The following ANKHD1 variants were observed in gnomAD, a reference collection of about 807,000 sequenced individuals.
ANKHD1 encodes the protein ankyrin repeat and KH domain containing 1, also known as ankyrin repeat and KH domain-containing protein 1.
Under a neutral mutation model 230.5 loss-of-function variants are expected in ANKHD1, and 31 were observed. The observed-to-expected ratio is 0.13, with a 90% CI of 0.10 to 0.18. The LOEUF (loss-of-function observed/expected upper bound fraction) is 0.18. Among genes scored for constraint, ANKHD1 ranks in the 10% least tolerant of loss-of-function variants. The pLI is 1.00. For synonymous variants in ANKHD1, 1,074 were observed against 1,117.6 expected (o/e 0.96, Z 0.78); for missense variants, 2,256 against 3,071.3 (o/e 0.73, Z 6.27).
At chr5:140,519,247 A>G (rs1753199811) in intron 24 of ANKHD1, among the ~76,000 whole-genome samples, 1 of 152,176 alleles carries the variant, frequency 6.6e-6, no homozygotes, top group African/African-American at 2.4e-5. Context: ...CTTCAAGGAG[A>G]ACTACAAACC....
Position 140,445,896 on chromosome 5 carries a change from T to C in ANKHD1, c.1068T>C (p.Val356=). The change falls in exon 6 of 34, where the codon GTT becomes GTC. Residue 356 remains valine (V), a synonymous_variant. Coordinates refer to ENST00000360839, the MANE Select transcript of ANKHD1 (RefSeq NM_017747.3). ...ASAGHVEVAR[V]LLDHGAGINT... is the part of the protein sequence containing the mutation. ...CAGGTCATGTGGAAGTTGCAAGAGTTCTTTTAGATCATGGTGCAGGCATCA... is the reference window on the plus strand; with the variant it reads ...CAGGTCATGTGGAAGTTGCAAGAGTCCTTTTAGATCATGGTGCAGGCATCA... 3 of 1,613,672 alleles carry C rather than the reference T, an allele frequency of 1.9e-6. No homozygotes were observed. Among genetic ancestry groups the C allele is most frequent in the Non-Finnish European group, 2.5e-6 (3 of 1,179,688 alleles).
chr5:140,488,020 A>G (rs983895020), intron 14 of ANKHD1, among the ~76,000 whole-genome samples: 2 of 152,194 alleles, frequency 1.3e-5, no homozygotes, highest in African/African-American at 4.8e-5. Flanking sequence ...TTCAGAGATG[A>G]AATATCTGTA....
intron 9 of ANKHD1, among the ~76,000 whole-genome samples, chr5:140,464,216 G>C (rs1561763777): frequency 6.7e-6 from 1 of 149,278 alleles, no homozygotes; most frequent in African/African-American, 2.5e-5. Flanking sequence ...GAGCGACAGA[G>C]TGAGACTATC....
intron 18 of ANKHD1, 57 bp downstream of exon 18, chr5:140,505,926 A>G (rs1375648574): frequency 5.9e-6 from 9 of 1,523,760 alleles, no homozygotes; most frequent in Non-Finnish European, 7.0e-6. Context: ...TAAAATATGC[A>G]TATGATTCGT....
At chr5:140,482,763 C>T (rs1319372335) in intron 11 of ANKHD1, 96 bp downstream of exon 11, 19 of 1,289,960 alleles carry the variant, frequency 1.5e-5, no homozygotes, top group Non-Finnish European at 2.1e-5. Flanking sequence ...ACTTTACCTA[C>T]AGTAAAGTAT....
At chr5:140,516,491 G>A (rs1753016607) in intron 24 of ANKHD1, among the ~76,000 whole-genome samples, 1 of 151,910 alleles carries the variant, frequency 6.6e-6, no homozygotes, top group Non-Finnish European at 1.5e-5. Flanking sequence ...ACACATAATT[G>A]TCAGATTCAC....
chr5:140,416,210 C>T (rs770123372), intron 1 of ANKHD1, among the ~76,000 whole-genome samples: 4 of 152,096 alleles, frequency 2.6e-5, no homozygotes, highest in Admixed American at 1.3e-4. Context: ...GGGTTGGTTC[C>T]AAGTCTTTGC....
chr5:140,451,805 G>C (rs1398956525), intron 7 of ANKHD1, among the ~76,000 whole-genome samples: 1 of 152,074 alleles, frequency 6.6e-6, no homozygotes, highest in Non-Finnish European at 1.5e-5. Flanking sequence ...ACTGTGCCCA[G>C]CCTTATTTCT....
intron 1 of ANKHD1, among the ~76,000 whole-genome samples, chr5:140,421,629 AAGG>A (rs1771992248): frequency 2.0e-5 from 3 of 152,116 alleles, no homozygotes. Flanking sequence ...ACACCTGCTT[AAGG>A]AGGTGTAAAT....
intron 22 of ANKHD1, among the ~76,000 whole-genome samples, chr5:140,511,052 C>T (rs1294297113): frequency 6.6e-6 from 1 of 152,130 alleles, no homozygotes; most frequent in Non-Finnish European, 1.5e-5. Context: ...TCTCAAACTC[C>T]TGGGCTCAGC....
In ANKHD1 at chr5:140,531,765, T is replaced by C. The variant is rs566982553; in HGVS notation, c.6850+1969T>C. Among the ~76,000 whole-genome samples the C allele has an allele frequency of 5.9e-5, 9 of 152,268 alleles. 1 individual carries two copies. The highest frequency in any genetic ancestry group is 4.1e-4 in the South Asian group (2 of 4,824). Reference sequence around the variant, plus strand: ...CATTATTCTACTCCTAGGGAAGATATATGTCTATAGAAAAACTGGCACACC... The same window carrying C: ...CATTATTCTACTCCTAGGGAAGATACATGTCTATAGAAAAACTGGCACACC... On this transcript the variant is annotated intron_variant, in intron 29 of 33. Transcript: ENST00000360839.
At chr5:140,502,614 T>C (rs1264654798) in intron 15 of ANKHD1, among the ~76,000 whole-genome samples, 1 of 152,226 alleles carries the variant, frequency 6.6e-6, no homozygotes, top group Non-Finnish European at 1.5e-5. Flanking sequence ...GGACCACTAC[T>C]GAAGTCTTAC....
intron 24 of ANKHD1, among the ~76,000 whole-genome samples, chr5:140,522,347 A>G (rs904749192): frequency 7.9e-5 from 12 of 152,208 alleles, no homozygotes; most frequent in African/African-American, 2.9e-4. Context: ...TAGACAGACC[A>G]CATTTTGTTT....
intron 1 of ANKHD1, among the ~76,000 whole-genome samples, chr5:140,402,680 C>A (rs2126826651): frequency 6.6e-6 from 1 of 152,310 alleles, no homozygotes; most frequent in African/African-American, 2.4e-5. Context: ...TTTGCCTCTC[C>A]TCAGAGTTGA....
At position 140,485,858 on chromosome 5, in the gene ANKHD1, T is replaced by C; in HGVS notation, c.2142+126T>C. 9.0e-6 allele frequency: 12 copies of C among 1,338,118 alleles called. No homozygotes were observed. The highest frequency in any genetic ancestry group is 1.0e-5 in the Non-Finnish European group (10 of 989,966). The allele number at this position is 1,338,118 out of a possible 1,614,324, so 82.9% of individuals were successfully genotyped here. On this transcript the variant is annotated intron_variant, in intron 13 of 33. Coordinates refer to ENST00000360839, the MANE Select transcript of ANKHD1 (RefSeq NM_017747.3). The surrounding 1 kb of genome is among the most constrained non-coding windows in gnomAD (Gnocchi z 4.8). ...TCTCTGTTACATATTGAGAAAATCA[T>C]GACTCTAAATTCTTTAGGATTTATT... is the stretch of plus-strand genomic sequence containing the variant.
At chr5:140,408,045 C>T (rs1339379598) in intron 1 of ANKHD1, among the ~76,000 whole-genome samples, 1 of 152,060 alleles carries the variant, frequency 6.6e-6, no homozygotes, top group Non-Finnish European at 1.5e-5. Context: ...GGTATGGTGG[C>T]AGGCGCCTGT....
intron 22 of ANKHD1, among the ~76,000 whole-genome samples, 178 bp downstream of exon 22, chr5:140,510,359 C>A (rs1424290384): frequency 8.0e-6 from 1 of 125,606 alleles, no homozygotes; most frequent in Non-Finnish European, 1.6e-5. Flanking sequence ...GTCACATAGG[C>A]TAGAATGCAG....
chr5:140,443,522 C>T (rs1774031464), intron 5 of ANKHD1, among the ~76,000 whole-genome samples: 1 of 151,746 alleles, frequency 6.6e-6, no homozygotes, highest in Admixed American at 6.6e-5. Flanking sequence ...AACCCCGTCT[C>T]TACTAAAAAT....
In ANKHD1 at chr5:140,496,561, C is replaced by G; in HGVS notation, c.2287C>G (p.Gln763Glu). Reference sequence around the variant, plus strand: ...GTCCAGTTCCCTCCAGGTAGCAGATCAGGACCTACTGCCATCTTTTCACCC... The same window carrying G: ...GTCCAGTTCCCTCCAGGTAGCAGATGAGGACCTACTGCCATCTTTTCACCC... The part of the protein sequence containing the change: ...QKSSSLQVAD[Q>E]DLLPSFHPYQ... The change falls in exon 15 of 34, where the codon CAG (glutamine) becomes GAG (glutamate). Residue 763 changes from glutamine (Q) to glutamate (E), a missense_variant. Physicochemically the swap from Gln to Glu is conservative, Grantham distance 29. Coordinates refer to ENST00000360839, the MANE Select transcript of ANKHD1 (RefSeq NM_017747.3). The G allele has an allele frequency of 6.4e-7, 1 of 1,573,580 alleles. No homozygotes were observed. The highest frequency in any genetic ancestry group is 8.6e-7 in the Non-Finnish European group (1 of 1,158,270).
Sources: gnomAD v4.1 joint callset for allele counts (sites outside exome capture counted in the v4.1 genomes callset) on GRCh38, gnomAD v4.1.1 for gene constraint, Gnocchi (gnomAD v3.1) non-coding constraint, MANE v1.5 for transcripts, NCBI Gene and HGNC (gene_info 2026-07-23, HGNC 2026-07-21) for gene names.